BIRC6: variants seen among roughly 807,000 people sequenced by gnomAD.
BIRC6 encodes baculoviral IAP repeat containing 6.
A neutral mutation model predicts 503.3 loss-of-function variants in BIRC6; 98 were observed. That is an observed-to-expected ratio of 0.19 (90% CI 0.17 to 0.23). The LOEUF is 0.23. Ranked by LOEUF, BIRC6 falls within the 10% of genes least tolerant of loss-of-function variation. The probability of loss-of-function intolerance (pLI) is 1.00; values close to 1 mark genes in which losing one functional copy is unlikely to be tolerated. For missense variants in BIRC6, 5,360 were observed against 5,806.0 expected, an observed-to-expected ratio of 0.92 and a Z score of 2.50; for synonymous variants, 2,240 against 2,078.7, an observed-to-expected ratio of 1.08 and a Z score of -2.11.
At chr2:32,390,214 A>G (rs1433647426) in intron 4 of BIRC6, among the ~76,000 whole-genome samples, 1 of 151,622 alleles carries the variant, frequency 6.6e-6, no homozygotes, top group East Asian at 1.9e-4. Flanking sequence ...TCTGTTGCCC[A>G]GGCTGGAGTT....
intron 70 of BIRC6, among the ~76,000 whole-genome samples, chr2:32,601,019 AT>A (rs1475089417): frequency 6.6e-6 from 1 of 152,214 alleles, no homozygotes; most frequent in African/African-American, 2.4e-5. Context: ...TAGCAAAAAA[AT>A]CTCATAATAT....
chr2:32,484,909 T>A (rs2050825115), intron 39 of BIRC6, among the ~76,000 whole-genome samples: 1 of 152,170 alleles, frequency 6.6e-6, no homozygotes, highest in African/African-American at 2.4e-5. Flanking sequence ...TTGTCATCTG[T>A]TTTTTGATGT....
At chr2:32,563,542 C>T (rs1403464332) in intron 65 of BIRC6, 1 of 152,006 alleles carries the variant, frequency 6.6e-6, no homozygotes, top group Non-Finnish European at 1.5e-5. Flanking sequence ...GGGTGCTTTT[C>T]CTCGTATTAG....
At chr2:32,446,971 C>T (rs2046045193) in intron 21 of BIRC6, among the ~76,000 whole-genome samples, 1 of 108,074 alleles carries the variant, frequency 9.3e-6, no homozygotes, top group African/African-American at 3.6e-5. Context: ...AGCATGCTGC[C>T]TTCAAGCATC....
At chr2:32,501,939 T>TGTAA in intron 47 of BIRC6, 51 bp downstream of exon 47, 2 of 1,490,428 alleles carry the variant, frequency 1.3e-6, no homozygotes, top group Non-Finnish European at 1.8e-6. Context: ...TTTATTGCGA[T>TGTAA]GTAAGTGGAA....
chr2:32,580,283 A>G (rs965562406), intron 66 of BIRC6, among the ~76,000 whole-genome samples: 1 of 152,184 alleles, frequency 6.6e-6, no homozygotes, highest in South Asian at 2.1e-4. Context: ...ACAACATAGT[A>G]TCTGACATAT....
intron 57 of BIRC6, chr2:32,519,323 A>T: frequency 5.0e-6 from 1 of 198,458 alleles, no homozygotes. Flanking sequence ...GTGATCAGTG[A>T]TCAAGACATA....
At chr2:32,516,155 G>T (rs1442822654) in intron 55 of BIRC6, among the ~76,000 whole-genome samples, 1 of 152,206 alleles carries the variant, frequency 6.6e-6, no homozygotes, top group African/African-American at 2.4e-5. Flanking sequence ...CTGATAGTTT[G>T]CTTCTCTTTA....
At chr2:32,470,029 T>A in intron 30 of BIRC6, 139 bp from the exon 31 acceptor site, 1 of 748,362 alleles carries the variant, frequency 1.3e-6, no homozygotes, top group Non-Finnish European at 1.9e-6. Flanking sequence ...AAATCTTGCT[T>A]TCCCAGTCTG....
chr2:32,549,358 G>A lies in BIRC6; in HGVS notation c.13021G>A (p.Glu4341Lys), dbSNP rs2058281528. 2 of 1,491,308 alleles carry A rather than the reference G, an allele frequency of 1.3e-6. No homozygotes were observed. Among genetic ancestry groups the A allele is most frequent in the Non-Finnish European group, 9.1e-7 (1 of 1,098,826 alleles). The allele number at this position is 1,491,308 out of a possible 1,614,324, so 92.4% of individuals were successfully genotyped here. The stretch of plus-strand genomic sequence containing the variant: ...TCCCGTCAGTAGTGCGGTAAATGGA[G>A]AAGCTCAGTCATCTCATGAGACTAG... ...INPVSSAVNG[E>K]AQSSHETRGQ... The change falls in exon 65 of 74, where the codon GAA (glutamate) becomes AAA (lysine). Residue 4341 changes from glutamate (E) to lysine (K), a missense_variant. Around this residue, in one of 16 missense-constraint regions of BIRC6, gnomAD observed 477 missense variants for 574.4 expected, o/e 0.83. Coordinates refer to ENST00000421745, the MANE Select transcript of BIRC6 (RefSeq NM_016252.4).
chr2:32,439,741 G>T lies in BIRC6; in HGVS notation c.3810+55G>T, dbSNP rs941106292. 1.9e-5 allele frequency: 28 copies of T among 1,486,944 alleles called. No individual in the cohort carries two copies. The African/African-American group carries it at 3.6e-4, about 19-fold the overall frequency. 92.1% of individuals were successfully genotyped at this position (1,486,944 alleles called of 1,614,324 possible). On this transcript the variant is annotated intron_variant, in intron 16 of 73. Coordinates refer to ENST00000421745, the MANE Select transcript of BIRC6 (RefSeq NM_016252.4). The stretch of plus-strand genomic sequence containing the variant: ...ATACAGTTTTAAACATTGTGGATCA[G>T]ATTTAACACACTATTAGAAGTAGTA...
In BIRC6 at chr2:32,430,826, T is replaced by TC. The variant is rs374759837; in HGVS notation, c.3023-37dup. ...TCTTCTTTTTTTTTTTTTTTTTTTTTCCACACCTATTTCAAATACTGCTCT... is the reference window on the plus strand; with the variant it reads ...TCTTCTTTTTTTTTTTTTTTTTTTTTCCCACACCTATTTCAAATACTGCTCT... On this transcript the variant is annotated intron_variant, in intron 11 of 73. Transcript: ENST00000421745. 2.4e-3 allele frequency: 2,241 copies of TC among 938,634 alleles called. 11 individuals carry two copies. Among genetic ancestry groups the TC allele is most frequent in the Admixed American group, 3.1e-3 (133 of 43,408 alleles). The allele number at this position is 938,634 out of a possible 1,614,324, so 58.1% of individuals were successfully genotyped here.
chr2:32,423,617 A>T (rs2043168452), intron 10 of BIRC6, among the ~76,000 whole-genome samples: 1 of 152,162 alleles, frequency 6.6e-6, no homozygotes. Context: ...TCACCCATGT[A>T]TCACATCTTG....
chr2:32,476,199 T>C lies in BIRC6; in HGVS notation c.6721-14T>C. ...ACGTTGTTAAAGATTAAGTTGTTTA[T>C]TTGTTTTATAAAGCAACTTAACCTA... On this transcript the variant is annotated splice_polypyrimidine_tract_variant and intron_variant, in intron 33 of 73. Transcript: ENST00000421745. The C allele has an allele frequency of 6.6e-7, 1 of 1,520,340 alleles. No individual in the cohort carries two copies. The highest frequency in any genetic ancestry group is 8.8e-7 in the Non-Finnish European group (1 of 1,136,934). 94.2% of individuals were successfully genotyped at this position (1,520,340 alleles called of 1,614,324 possible).
intron 26 of BIRC6, among the ~76,000 whole-genome samples, chr2:32,466,115 G>A (rs2048513716): frequency 6.6e-6 from 1 of 151,926 alleles, no homozygotes; most frequent in African/African-American, 2.4e-5. Context: ...TTTCTTGTTA[G>A]GGAAGTATTA....
intron 15 of BIRC6, among the ~76,000 whole-genome samples, chr2:32,438,416 G>T (rs921790968): frequency 3.3e-5 from 5 of 152,080 alleles, no homozygotes; most frequent in African/African-American, 1.2e-4. Context: ...TTAATACCTG[G>T]TAATGCAACA....
At chr2:32,603,875 A>G (rs897046360) in intron 71 of BIRC6, among the ~76,000 whole-genome samples, 2 of 151,390 alleles carry the variant, frequency 1.3e-5, no homozygotes, top group African/African-American at 4.8e-5. Flanking sequence ...CAATATAAAT[A>G]TATGTATATA....
intron 1 of BIRC6, among the ~76,000 whole-genome samples, chr2:32,377,064 TAA>T (rs1001249036): frequency 1.1e-4 from 17 of 152,228 alleles, no homozygotes; most frequent in Non-Finnish European, 2.1e-4. Flanking sequence ...AATTCATTTT[TAA>T]AAGTTTTGTT....
chr2:32,599,667 T>C, intron 69 of BIRC6, 72 bp from the exon 70 acceptor site: 2 of 1,468,846 alleles, frequency 1.4e-6, no homozygotes, highest in South Asian at 2.4e-5. Flanking sequence ...TATTTCATGT[T>C]GGATTGTATT....
Sources: gnomAD v4.1 joint callset for allele counts (sites outside exome capture counted in the v4.1 genomes callset) on GRCh38, gnomAD v4.1.1 for gene constraint, gnomAD v4.1.1 regional missense constraint, MANE v1.5 for transcripts, NCBI Gene and HGNC (gene_info 2026-07-23, HGNC 2026-07-21) for gene names.